The following DLG5 variants were observed in gnomAD, a reference collection of about 807,000 sequenced individuals.
DLG5 encodes the protein discs large MAGUK scaffold protein 5.
DLG5 carries 48 observed loss-of-function variants against 189.8 expected under a neutral mutation model. That is an observed-to-expected ratio of 0.25 (90% CI 0.20 to 0.32). The LOEUF (loss-of-function observed/expected upper bound fraction) is 0.32. DLG5 is among the 10% of genes least tolerant of loss of function. The pLI, the probability that DLG5 is intolerant of heterozygous loss-of-function variation, is 1.00. For synonymous variants in DLG5, 1,016 were observed against 1,054.1 expected (o/e 0.96, Z 0.70); for missense variants, 2,160 against 2,544.7 (o/e 0.85, Z 3.25).
chr10:77,840,731 G>A (rs1194754861), intron 7 of DLG5, among the ~76,000 whole-genome samples: 1 of 152,106 alleles, frequency 6.6e-6, no homozygotes, highest in African/African-American at 2.4e-5. Flanking sequence ...AAAAAAGAAA[G>A]AAAGAAACGG....
At chr10:77,909,849 G>A (rs1218616352) in intron 1 of DLG5, among the ~76,000 whole-genome samples, 1 of 152,116 alleles carries the variant, frequency 6.6e-6, no homozygotes, top group Non-Finnish European at 1.5e-5. Flanking sequence ...TTGGCTATCA[G>A]GGTGGGTCCC....
upstream of DLG5, among the ~76,000 whole-genome samples, chr10:77,929,988 C>A (rs147686933): frequency 0.011 from 1,729 of 152,322 alleles, 28 homozygotes; most frequent in African/African-American, 0.039. Flanking sequence ...TGCCTAAGGA[C>A]ATCTCTGTAG....
rs1326089390 is a variant in DLG5 at position 77,821,536 on chromosome 10, T to C, written c.2948A>G (p.Gln983Arg). 1 of 1,612,730 alleles carries C rather than the reference T, an allele frequency of 6.2e-7. No individual in the cohort carries two copies. Residue 983 changes from glutamine (Q) to arginine (R), a missense_variant, in exon 15 of 32, where the codon CAG becomes CGG. Coordinates refer to ENST00000372391, the MANE Select transcript of DLG5 (RefSeq NM_004747.4). ...CAGGTAGTCTATTTTGGGGGGTGTCTGGGGGCGTTTGAAAGTGTTAGGGTC... is the reference window on the plus strand; with the variant it reads ...CAGGTAGTCTATTTTGGGGGGTGTCCGGGGGCGTTTGAAAGTGTTAGGGTC... ...IFDPNTFKRPQTPPKIDYLLP... is the reference protein window; with the variant it reads ...IFDPNTFKRPRTPPKIDYLLP...
chr10:77,926,955 G>T (rs1211159122), upstream of DLG5: 2 of 380,040 alleles, frequency 5.3e-6, no homozygotes, highest in South Asian at 3.5e-5. The surrounding 1 kb of genome is among the most constrained non-coding windows in gnomAD (Gnocchi z 5.2). Flanking sequence ...ACAACTCCCG[G>T]GAGAAAGTCG....
chr10:77,802,674 G>A (rs572472290), intron 27 of DLG5, among the ~76,000 whole-genome samples: 1 of 152,310 alleles, frequency 6.6e-6, no homozygotes, highest in South Asian at 2.1e-4. Flanking sequence ...TAAGACAGGC[G>A]GCTCACTTGA....
upstream of DLG5, chr10:77,929,926 C>G (rs1846770753): frequency 6.6e-6 from 1 of 152,244 alleles, no homozygotes; most frequent in Non-Finnish European, 1.5e-5. Context: ...GTGAGAAGGA[C>G]AAAGACGGGG....
intron 27 of DLG5, among the ~76,000 whole-genome samples, chr10:77,798,824 G>A (rs1390644216): frequency 6.6e-6 from 1 of 152,078 alleles, no homozygotes; most frequent in Non-Finnish European, 1.5e-5. Context: ...GCTATAGGGT[G>A]GAATTCAATA....
chr10:77,836,000 G>T (rs1344981098), intron 7 of DLG5, 78 bp from the exon 8 acceptor site: 4 of 1,477,896 alleles, frequency 2.7e-6, no homozygotes, highest in East Asian at 2.3e-5. Flanking sequence ...CAGTGCGGGG[G>T]CCAAGGCTGA....
intron 27 of DLG5, among the ~76,000 whole-genome samples, chr10:77,799,142 GT>G (rs1339142759): frequency 4.6e-5 from 7 of 152,142 alleles, no homozygotes; most frequent in African/African-American, 1.7e-4. Context: ...CATCTTATGA[GT>G]CACTGACTCC....
chr10:77,857,567 A>C (rs763261424), intron 2 of DLG5, among the ~76,000 whole-genome samples: 2 of 152,024 alleles, frequency 1.3e-5, no homozygotes, highest in Non-Finnish European at 2.9e-5. Context: ...AGGCTACTTA[A>C]CCCTCACCAG....
intron 5 of DLG5, among the ~76,000 whole-genome samples, chr10:77,844,986 C>A (rs1843614941): frequency 6.6e-6 from 1 of 152,050 alleles, no homozygotes; most frequent in African/African-American, 2.4e-5. Context: ...TCAAAGGGGA[C>A]CTGGAGAAGT....
intron 1 of DLG5, among the ~76,000 whole-genome samples, chr10:77,900,283 C>T (rs905388418): frequency 1.3e-5 from 2 of 152,236 alleles, no homozygotes; most frequent in South Asian, 2.1e-4. Context: ...CCTGCAACCC[C>T]TCCCTGACCC....
intron 16 of DLG5, 164 bp from the exon 17 acceptor site, chr10:77,819,629 C>A: frequency 9.1e-7 from 1 of 1,098,416 alleles, no homozygotes; most frequent in Non-Finnish European, 1.3e-6. Context: ...TGGCTCCTGG[C>A]CTGTCTCCAT....
chr10:77,887,904 C>T (rs1243809573), intron 1 of DLG5, among the ~76,000 whole-genome samples: 1 of 152,198 alleles, frequency 6.6e-6, no homozygotes, highest in Non-Finnish European at 1.5e-5. Context: ...CTACAGCCAG[C>T]CGGCGATTTT....
rs142906062 is a variant in DLG5, at chr10:77,880,603, G to A, written c.305-11406C>T. ...CCCGACTCCTGATCAAGCTGAATCTGCACTCCACCTACCCCCTGAACTTCC... is the reference window on the plus strand; with the variant it reads ...CCCGACTCCTGATCAAGCTGAATCTACACTCCACCTACCCCCTGAACTTCC... On this transcript the variant is annotated intron_variant, in intron 1 of 31. Coordinates refer to ENST00000372391, the MANE Select transcript of DLG5 (RefSeq NM_004747.4). Among the ~76,000 whole-genome samples the A allele has an allele frequency of 7.9e-4, 120 of 152,214 alleles. 1 individual carries two copies. The East Asian group carries it at 0.02, about 26-fold the overall frequency.
chr10:77,865,449 T>C (rs1339195888), intron 2 of DLG5, among the ~76,000 whole-genome samples: 1 of 152,042 alleles, frequency 6.6e-6, no homozygotes, highest in African/African-American at 2.4e-5. Context: ...TCCAGCAATT[T>C]CTCCTGCCGA....
intron 1 of DLG5, among the ~76,000 whole-genome samples, chr10:77,901,089 T>C (rs951204188): frequency 8.7e-5 from 12 of 138,058 alleles, no homozygotes; most frequent in African/African-American, 3.3e-4. Flanking sequence ...CACTCCAGCC[T>C]GGGTGACAGA....
chr10:77,908,338 T>A (rs1025551770), intron 1 of DLG5, among the ~76,000 whole-genome samples: 2 of 151,904 alleles, frequency 1.3e-5, no homozygotes, highest in Non-Finnish European at 2.9e-5. Context: ...CCAGTCTACA[T>A]CCTCACCTAC....
intron 1 of DLG5, among the ~76,000 whole-genome samples, chr10:77,923,385 CA>C (rs1360178325): frequency 6.6e-6 from 1 of 152,120 alleles, no homozygotes; most frequent in Non-Finnish European, 1.5e-5. Context: ...GAGCTTTGAC[CA>C]TAAGGAATAC....
Sources: gnomAD v4.1 joint callset for allele counts (sites outside exome capture counted in the v4.1 genomes callset) on GRCh38, gnomAD v4.1.1 for gene constraint, Gnocchi (gnomAD v3.1) non-coding constraint, MANE v1.5 for transcripts, NCBI Gene and HGNC (gene_info 2026-07-23, HGNC 2026-07-21) for gene names.